Variants in ACOT7 observed in about 807,000 individuals in gnomAD.
The protein encoded by ACOT7 is acyl-CoA thioesterase 7, also known as cytosolic acyl coenzyme A thioester hydrolase.
In ACOT7, 12 loss-of-function variants were observed where a neutral mutation model predicts 40.2. The observed-to-expected ratio is 0.30, with a 90% CI of 0.19 to 0.48. The LOEUF (loss-of-function observed/expected upper bound fraction) is 0.48, where lower values mean the gene tolerates loss of function less well. ACOT7 is among the 20% of genes least tolerant of loss of function. The probability of loss-of-function intolerance (pLI) is 0.99; values close to 1 mark genes in which losing one functional copy is unlikely to be tolerated. For missense variants in ACOT7, 395 were observed against 530.8 expected, an observed-to-expected ratio of 0.74 and a Z score of 2.51; for synonymous variants, 228 against 219.5, an observed-to-expected ratio of 1.04 and a Z score of -0.34.
At chr1:6,304,929 G>C (rs1214708929) in intron 6 of ACOT7, among the ~76,000 whole-genome samples, 1 of 146,612 alleles carries the variant, frequency 6.8e-6, no homozygotes, top group Non-Finnish European at 1.5e-5. Flanking sequence ...CAGACAGGGT[G>C]GTGGCCGGGC....
chr1:6,325,085 G>A (rs1640760569), intron 5 of ACOT7, among the ~76,000 whole-genome samples: 1 of 152,214 alleles, frequency 6.6e-6, no homozygotes, highest in African/African-American at 2.4e-5. Context: ...TGATAAACTG[G>A]CTGTTTAAAT....
At chr1:6,376,926 C>A (rs563917337) in intron 1 of ACOT7, among the ~76,000 whole-genome samples, 1 of 151,970 alleles carries the variant, frequency 6.6e-6, no homozygotes, top group Non-Finnish European at 1.5e-5. Flanking sequence ...GCCAAAGACC[C>A]GAACAGATGC....
chr1:6,305,641 C>T (rs1640124944), intron 6 of ACOT7, among the ~76,000 whole-genome samples: 1 of 151,238 alleles, frequency 6.6e-6, no homozygotes, highest in East Asian at 1.9e-4. Context: ...GGCGGCCGGG[C>T]AGAGACGCTC....
At position 6,346,031 on chromosome 1, in the gene ACOT7, C is replaced by G. The variant is rs113074082; in HGVS notation, c.261+3718G>C. Among the ~76,000 whole-genome samples the G allele has an allele frequency of 3.7e-3, 558 of 152,340 alleles. 4 individuals are homozygous for G. Among genetic ancestry groups the G allele is most frequent in the African/African-American group, 0.013 (539 of 41,580 alleles). Reference sequence around the variant, plus strand: ...GTGGGGCTACCACTCTGTACAAGCACAGCAGGTCAGGAGTGGAGCAGCAGC... The same window carrying G: ...GTGGGGCTACCACTCTGTACAAGCAGAGCAGGTCAGGAGTGGAGCAGCAGC... On this transcript the variant is annotated intron_variant, in intron 2 of 8. Coordinates refer to ENST00000361521, the MANE Select transcript of ACOT7 (RefSeq NM_007274.4).
At position 6,311,210 on chromosome 1, in the gene ACOT7, CAG is replaced by C. The variant is rs1165389610; in HGVS notation, c.712+7280_712+7281del. 5.3e-5 allele frequency among the ~76,000 whole-genome samples: 8 copies of C among 152,208 alleles called. No homozygotes were observed. Among genetic ancestry groups the C allele is most frequent in the African/African-American group, 1.9e-4 (8 of 41,442 alleles). ...ACCCACCTTGACTTCTGTTTCAGAG[CAG>C]AGTTAGTTTTTACTCAGAGCCGATG... On this transcript the variant is annotated intron_variant, in intron 6 of 8. Coordinates refer to ENST00000361521, the MANE Select transcript of ACOT7 (RefSeq NM_007274.4). This position sits in a 1 kb window ranked among gnomAD's most constrained non-coding sequence, Gnocchi z 5.2.
intron 1 of ACOT7, among the ~76,000 whole-genome samples, chr1:6,374,854 CAG>C (rs1642196699): frequency 6.6e-6 from 1 of 152,194 alleles, no homozygotes; most frequent in African/African-American, 2.4e-5. Context: ...CGTCAAGAGT[CAG>C]AGGAGAAAAA....
chr1:6,294,833 C>T lies in ACOT7; in HGVS notation c.829+31G>A. On this transcript the variant is annotated intron_variant, in intron 7 of 8. Transcript: ENST00000361521. The surrounding 1 kb of genome is among the most constrained non-coding windows in gnomAD (Gnocchi z 4.6). ...GGACCCAAGCAGCCGAGGGCCACTG[C>T]CTCCCTCGTCTTTGCCAGAAGAGTG... The T allele has an allele frequency of 2.5e-6, 4 of 1,580,716 alleles. No individual in the cohort carries two copies. The highest frequency in any genetic ancestry group is 3.5e-6 in the Non-Finnish European group (4 of 1,150,468).
Position 6,273,898 on chromosome 1 carries a change from G to A in ACOT7, c.1014+7204C>T, listed in dbSNP as rs545881635. Among the ~76,000 whole-genome samples, 5 of 152,332 alleles carry A rather than the reference G, an allele frequency of 3.3e-5. 1 individual carries two copies. In the South Asian group the frequency reaches 8.3e-4, roughly 25 times the overall value. ...GTGGCAACGGGGTGTCTAGGATGTC[G>A]AGGCAGCAGAGACCCTAGGGCCCTG... On this transcript the variant is annotated intron_variant, in intron 8 of 8. Transcript: ENST00000361521.
intron 1 of ACOT7, among the ~76,000 whole-genome samples, chr1:6,380,934 T>C (rs1444611688): frequency 1.3e-5 from 2 of 151,806 alleles, no homozygotes; most frequent in Non-Finnish European, 2.9e-5. Flanking sequence ...CAACAGAGTA[T>C]AAACACATCC....
Position 6,306,200 on chromosome 1 carries a change from C to T in ACOT7, c.713-11220G>A, listed in dbSNP as rs1172624682. The T allele has an allele frequency of 1.3e-5, 10 of 782,752 alleles. No homozygotes were observed. In the East Asian group the frequency reaches 4.8e-4, roughly 38 times the overall value. 48.5% of individuals were successfully genotyped at this position (782,752 alleles called of 1,614,324 possible). A position where few individuals can be genotyped will look rare whatever the true frequency, so the allele number is the denominator to read the frequency against. On this transcript the variant is annotated intron_variant, in intron 6 of 8. Transcript: ENST00000361521. This position sits in a 1 kb window ranked among gnomAD's most constrained non-coding sequence, Gnocchi z 4.3. ...CGTGGCAAGAGAGGGAGAGGGAGAC[C>T]GTGGGGAGAGGGGGAGGGGGAGGGG...
intron 2 of ACOT7, 83 bp from the exon 3 acceptor site, chr1:6,339,672 G>A (rs554203448): frequency 6.6e-6 from 10 of 1,517,620 alleles, no homozygotes; most frequent in Non-Finnish European, 8.9e-6. Context: ...CCTGGAAACG[G>A]TCTTTGCCTT....
At chr1:6,334,574 C>T (rs907471737) in intron 3 of ACOT7, among the ~76,000 whole-genome samples, 3 of 152,354 alleles carry the variant, frequency 2.0e-5, no homozygotes, top group East Asian at 1.9e-4. Flanking sequence ...GGGTGTGCTG[C>T]CAGCCCATCC....
chr1:6,317,734 T>C (rs1324143083), intron 6 of ACOT7, among the ~76,000 whole-genome samples: 10 of 151,380 alleles, frequency 6.6e-5, no homozygotes, highest in Admixed American at 2.0e-4. Flanking sequence ...CTTTCTTTTT[T>C]TTTTTTTTTT....
rs1639593137 is a variant in ACOT7 at position 6,289,092 on chromosome 1, C to G, written c.829+5772G>C. Among the ~76,000 whole-genome samples the G allele has an allele frequency of 6.6e-6, 1 of 152,140 alleles. No individual in the cohort carries two copies. The highest frequency in any genetic ancestry group is 2.4e-5 in the African/African-American group (1 of 41,436). On this transcript the variant is annotated intron_variant, in intron 7 of 8. Coordinates refer to ENST00000361521, the MANE Select transcript of ACOT7 (RefSeq NM_007274.4). This position sits in a 1 kb window ranked among gnomAD's most constrained non-coding sequence, Gnocchi z 4.6. ...CTCCATTCCGCATTCCCACTGTTTT[C>G]TGGTTATTTTATTTTATTTTTTTTT...
intron 1 of ACOT7, among the ~76,000 whole-genome samples, chr1:6,372,923 G>A (rs1642159114): frequency 6.6e-6 from 1 of 152,112 alleles, no homozygotes; most frequent in Non-Finnish European, 1.5e-5. Flanking sequence ...GGTATTAATT[G>A]GTCTAATTTC....
Position 6,288,919 on chromosome 1 carries a change from G to A in ACOT7, c.829+5945C>T, listed in dbSNP as rs1639588306. Among the ~76,000 whole-genome samples, 1 of 152,156 alleles carries A rather than the reference G, an allele frequency of 6.6e-6. No homozygotes were observed. The highest frequency in any genetic ancestry group is 2.4e-5 in the African/African-American group (1 of 41,422). On this transcript the variant is annotated intron_variant, in intron 7 of 8. Coordinates refer to ENST00000361521, the MANE Select transcript of ACOT7 (RefSeq NM_007274.4). The surrounding 1 kb of genome is among the most constrained non-coding windows in gnomAD (Gnocchi z 4.3). Reference sequence around the variant, plus strand: ...CTGACAGACACCCCACCCAAGCGAGGGCAAGCCACAGCCACAGGGCCTGGC... The same window carrying A: ...CTGACAGACACCCCACCCAAGCGAGAGCAAGCCACAGCCACAGGGCCTGGC...
At chr1:6,328,630 C>A (rs560933625) in intron 4 of ACOT7, among the ~76,000 whole-genome samples, 1 of 152,024 alleles carries the variant, frequency 6.6e-6, no homozygotes, top group South Asian at 2.1e-4. Context: ...TGCAGTGAGC[C>A]GAGATTGCGC....
Position 6,294,861 on chromosome 1 carries a change from T to C in ACOT7, c.829+3A>G, listed in dbSNP as rs1411689395. The C allele has an allele frequency of 6.2e-7, 1 of 1,613,142 alleles. No individual in the cohort carries two copies. The highest frequency in any genetic ancestry group is 2.2e-5 in the East Asian group (1 of 44,882). On this transcript the variant is annotated splice_donor_region_variant and intron_variant, in intron 7 of 8. Transcript: ENST00000361521. The surrounding 1 kb of genome is among the most constrained non-coding windows in gnomAD (Gnocchi z 4.6). Reference sequence around the variant, plus strand: ...CCCTCGTCTTTGCCAGAAGAGTGGTTACCTTTTCTGATCTTGTCATGAAAA... The same window carrying C: ...CCCTCGTCTTTGCCAGAAGAGTGGTCACCTTTTCTGATCTTGTCATGAAAA...
At chr1:6,389,473 T>C in intron 1 of ACOT7, among the ~76,000 whole-genome samples, 1 of 152,016 alleles carries the variant, frequency 6.6e-6, no homozygotes, top group Non-Finnish European at 1.5e-5. Context: ...AGTAAATTGA[T>C]GTTTAAATTT....
Sources: gnomAD v4.1 joint callset for allele counts (sites outside exome capture counted in the v4.1 genomes callset) on GRCh38, gnomAD v4.1.1 for gene constraint, Gnocchi (gnomAD v3.1) non-coding constraint, MANE v1.5 for transcripts, NCBI Gene and HGNC (gene_info 2026-07-23, HGNC 2026-07-21) for gene names.